The following FBRS variants were observed in gnomAD, a reference collection of about 807,000 sequenced individuals.
FBRS encodes fibrosin.
FBRS carries 15 observed loss-of-function variants against 86.1 expected under a neutral mutation model. That is an observed-to-expected ratio of 0.17 (90% CI 0.12 to 0.27). The LOEUF (loss-of-function observed/expected upper bound fraction) is 0.27, where lower values mean the gene tolerates loss of function less well. Ranked by LOEUF, FBRS falls within the 10% of genes least tolerant of loss-of-function variation. The probability of loss-of-function intolerance (pLI) is 1.00; values close to 1 mark genes in which losing one functional copy is unlikely to be tolerated. For synonymous variants in FBRS, 666 were observed against 575.8 expected (o/e 1.16, Z -2.24); for missense variants, 1,367 against 1,301.6 (o/e 1.05, Z -0.77).
chr16:30,660,491 C>T (rs1006922820), intron 2 of FBRS, 49 bp downstream of exon 2: 1 of 1,255,912 alleles, frequency 8.0e-7, no homozygotes, highest in East Asian at 3.1e-5. Flanking sequence ...TTCCCACAGC[C>T]CCGTTTTTCA....
rs1260261920 is a variant in FBRS, at chr16:30,662,796, G to A, written c.992G>A (p.Arg331Gln). 8.0e-6 allele frequency: 12 copies of A among 1,491,060 alleles called. No homozygotes were observed. In the Admixed American group the frequency reaches 9.4e-5, roughly 12 times the overall value. 92.4% of individuals were successfully genotyped at this position (1,491,060 alleles called of 1,614,324 possible). The change falls in exon 6 of 18, where the codon CGG (arginine) becomes CAG (glutamine). Residue 331 changes from arginine (R) to glutamine (Q), a missense_variant. Transcript: ENST00000356166. ...PPPPQPQLQL[R>Q]VSPFGLRTSP... Reference sequence around the variant, plus strand: ...CCACCCCAGCCCCAGCTGCAGCTTCGGGTCTCACCCTTCGGCCTCCGCACT... The same window carrying A: ...CCACCCCAGCCCCAGCTGCAGCTTCAGGTCTCACCCTTCGGCCTCCGCACT...
intron 6 of FBRS, among the ~76,000 whole-genome samples, 168 bp from the exon 7 acceptor site, chr16:30,664,047 G>A (rs781125278): frequency 9.2e-5 from 14 of 152,102 alleles, no homozygotes; most frequent in African/African-American, 3.1e-4. Context: ...TGTGGGAGGC[G>A]CCTCAGTCTG....
intron 2 of FBRS, among the ~76,000 whole-genome samples, 181 bp from the exon 3 acceptor site, chr16:30,660,999 C>T (rs1013780065): frequency 1.3e-5 from 2 of 152,108 alleles, no homozygotes; most frequent in South Asian, 4.1e-4. Flanking sequence ...GACGTGAGGA[C>T]CCGGCGTATT....
intron 6 of FBRS, 101 bp downstream of exon 6, chr16:30,662,960 C>T (rs1302510708): frequency 7.6e-7 from 1 of 1,323,846 alleles, no homozygotes; most frequent in East Asian, 3.0e-5. Flanking sequence ...AAAAAGGATT[C>T]TGAGACTGAA....
chr16:30,665,816 G>A lies in FBRS; in HGVS notation c.1773+110G>A. 5 of 1,028,930 alleles carry A rather than the reference G, an allele frequency of 4.9e-6. No individual in the cohort carries two copies. Among genetic ancestry groups the A allele is most frequent in the Non-Finnish European group, 7.2e-6 (5 of 695,708 alleles). 63.7% of individuals were successfully genotyped at this position (1,028,930 alleles called of 1,614,324 possible). On this transcript the variant is annotated intron_variant, in intron 11 of 17. Transcript: ENST00000356166. The surrounding 1 kb of genome is among the most constrained non-coding windows in gnomAD (Gnocchi z 4.1). ...ATTCCTCCCTTGAATTCACAATCGG[G>A]TGTTCCTGGGTGTCTAATAGAGAGG...
In FBRS at chr16:30,668,566, T is replaced by C. The variant is rs1241410452; in HGVS notation, c.2081T>C (p.Phe694Ser). The change falls in exon 16 of 18, where the codon TTT (phenylalanine) becomes TCT (serine). Residue 694 changes from phenylalanine (F) to serine (S), a missense_variant. By Grantham distance (155) the Phe-to-Ser change is radical. Around this residue, in one of 3 missense-constraint regions of FBRS, gnomAD observed 659 missense variants for 678.8 expected, o/e 0.97. Coordinates refer to ENST00000356166, the MANE Select transcript of FBRS (RefSeq NM_001105079.3). ...CCCCCCTTTCCTCCCACAGATCCCT[T>C]TGGGCGTCCCACAAGCTTCGCCTCT... ...FLSPSTHIDP[F>S]GRPTSFASLA... 2 of 1,611,928 alleles carry C rather than the reference T, an allele frequency of 1.2e-6. No individual in the cohort carries two copies. Among genetic ancestry groups the C allele is most frequent in the Non-Finnish European group, 1.7e-6 (2 of 1,178,812 alleles).
At position 30,659,612 on chromosome 16, in the gene FBRS, G is replaced by GAGC. The variant is rs1474200815; in HGVS notation, c.98_100dup (p.Gln33dup). ...CTGCTCGCGCCGAGACCGAGACCGG[G>GAGC]AGCAGCGGCGCCGCCGAGGTCCAGG... On this transcript the variant is annotated inframe_insertion, in exon 1 of 18. Transcript: ENST00000356166. 1 of 380,322 alleles carries GAGC rather than the reference G, an allele frequency of 2.6e-6. No homozygotes were observed. Among genetic ancestry groups the GAGC allele is most frequent in the African/African-American group, 2.1e-5 (1 of 46,948 alleles). 23.6% of individuals were successfully genotyped at this position (380,322 alleles called of 1,614,324 possible).
rs1290067141 is a variant in FBRS at position 30,659,659 on chromosome 16, G to A, written c.141G>A (p.Leu47=). 1.3e-5 allele frequency: 8 copies of A among 597,022 alleles called. No homozygotes were observed. In the South Asian group the frequency reaches 1.6e-4, roughly 12 times the overall value. The allele number at this position is 597,022 out of a possible 1,614,324, so 37.0% of individuals were successfully genotyped here. A position where few individuals can be genotyped will look rare whatever the true frequency, so the allele number is the denominator to read the frequency against. The change falls in exon 1 of 18, where the codon CTG becomes CTA. Residue 47 remains leucine (L), a synonymous_variant. Coordinates refer to ENST00000356166, the MANE Select transcript of FBRS (RefSeq NM_001105079.3). ...CAGGCGGCGACGCGCCCCGGGCCCT[G>A]TTGGCCGCCCCGCGCGGCTCCTCGT... ...RGPGGDAPRA[L]LAAPRGSSSS...
chr16:30,662,700 C>T lies in FBRS; in HGVS notation c.896C>T (p.Pro299Leu), dbSNP rs147510831. Reference protein sequence around the residue: ...LLVPFPPKEPPPPPVPRPPVS... With the variant: ...LLVPFPPKEPLPPPVPRPPVS... ...GTGCCTTTCCCCCCAAAGGAACCAC[C>T]GCCTCCACCGGTCCCTCGGCCTCCT... The change falls in exon 6 of 18, where the codon CCG (proline) becomes CTG (leucine). Residue 299 changes from proline (P) to leucine (L), a missense_variant. By Grantham distance (98) the Pro-to-Leu change is moderately conservative (BLOSUM62 -3). This residue lies in a region of FBRS where 702 missense variants were observed against 598.7 expected (regional missense o/e 1.17). Coordinates refer to ENST00000356166, the MANE Select transcript of FBRS (RefSeq NM_001105079.3). 372 of 1,548,978 alleles carry T rather than the reference C, an allele frequency of 2.4e-4. 1 individual carries two copies. The African/African-American group carries it at 4.7e-3, about 20-fold the overall frequency.
intron 4 of FBRS, among the ~76,000 whole-genome samples, chr16:30,661,550 G>A (rs529985152): frequency 3.6e-4 from 55 of 152,216 alleles, no homozygotes; most frequent in Non-Finnish European, 7.1e-4. Flanking sequence ...CCAAGGAATG[G>A]AGGGTCCATG....
Position 30,667,304 on chromosome 16 carries a change from C to T in FBRS, c.1876-16C>T. ...TGGCTCCTCATGTACTGCCCCTCTC[C>T]CTGTGTCCCACACAGGGTGACTCCC... On this transcript the variant is annotated splice_polypyrimidine_tract_variant and intron_variant, in intron 13 of 17. Coordinates refer to ENST00000356166, the MANE Select transcript of FBRS (RefSeq NM_001105079.3). The T allele has an allele frequency of 5.2e-6, 8 of 1,533,482 alleles. No homozygotes were observed. In the South Asian group the frequency reaches 8.4e-5, roughly 16 times the overall value. 95.0% of individuals were successfully genotyped at this position (1,533,482 alleles called of 1,614,324 possible).
At position 30,659,962 on chromosome 16, in the gene FBRS, C is replaced by T. The variant is rs940300043; in HGVS notation, c.444C>T (p.Thr148=). 7.7e-6 allele frequency: 12 copies of T among 1,550,138 alleles called. No individual in the cohort carries two copies. The highest frequency in any genetic ancestry group is 2.4e-5 in the East Asian group (1 of 40,838). Residue 148 remains threonine, a synonymous_variant, in exon 1 of 18, where the codon ACC becomes ACT. Transcript: ENST00000356166. ...IDGFAIASFA[T]LEALQKDASL... ...GCTTCGCCATCGCCAGCTTCGCCAC[C>T]CTCGAGGCCTTGCAGGTGGGGCCTA...
Position 30,665,102 on chromosome 16 carries a change from G to C in FBRS, c.1608+23G>C, listed in dbSNP as rs774346782. 1.1e-5 allele frequency: 18 copies of C among 1,609,814 alleles called. No homozygotes were observed. Among genetic ancestry groups the C allele is most frequent in the Non-Finnish European group, 1.5e-5 (18 of 1,178,862 alleles). On this transcript the variant is annotated intron_variant, in intron 9 of 17. Transcript: ENST00000356166. The surrounding 1 kb of genome is among the most constrained non-coding windows in gnomAD (Gnocchi z 4.1). ...AATGTGAGTGTGTGTGTGCGTGTGC[G>C]TATGGGGTGTGTGGTGTGGGCGTGG...
chr16:30,658,608 A>AG lies in FBRS; in HGVS notation c.-909dup, dbSNP rs2052413572. On this transcript the variant is annotated 5_prime_UTR_variant, in exon 1 of 18. Coordinates refer to ENST00000356166, the MANE Select transcript of FBRS (RefSeq NM_001105079.3). ...AAGTCGGACAGAGACGGAGGAAAGG[A>AG]GGAAGAGACTTTTATGTCGGCGGAC... 6.6e-6 allele frequency: 1 copy of AG among 152,354 alleles called. No individual in the cohort carries two copies. Among genetic ancestry groups the AG allele is most frequent in the South Asian group, 2.1e-4 (1 of 4,826 alleles). 9.4% of individuals were successfully genotyped at this position (152,354 alleles called of 1,614,324 possible).
chr16:30,667,200 T>C (rs2052533521), intron 13 of FBRS, 120 bp from the exon 14 acceptor site: 8 of 948,706 alleles, frequency 8.4e-6, no homozygotes, highest in Non-Finnish European at 1.1e-5. Flanking sequence ...AGGCAGAAGA[T>C]AGGCATCCAG....
rs1567543034 is a variant in FBRS at position 30,659,839 on chromosome 16, G to T, written c.321G>T (p.Glu107Asp). ...KRPAGSGSRG[E>D]EEEEEEEEGG... The stretch of plus-strand genomic sequence containing the variant: ...CTGCCGGCTCGGGCAGCCGCGGGGA[G>T]GAAGAGGAGGAGGAGGAGGAGGAGG... Residue 107 changes from glutamate to aspartate, a missense_variant, in exon 1 of 18, where the codon GAG (glutamate) becomes GAT (aspartate). By Grantham distance (45) the Glu-to-Asp change is conservative (BLOSUM62 2). Around this residue, in one of 3 missense-constraint regions of FBRS, gnomAD observed 702 missense variants for 598.7 expected, o/e 1.17. Transcript: ENST00000356166. The T allele has an allele frequency of 6.5e-7, 1 of 1,529,686 alleles. No homozygotes were observed. 94.8% of individuals were successfully genotyped at this position (1,529,686 alleles called of 1,614,324 possible). A position where few individuals can be genotyped will look rare whatever the true frequency, so the allele number is the denominator to read the frequency against.
chr16:30,669,140 G>A lies in FBRS; in HGVS notation c.2438G>A (p.Gly813Glu), dbSNP rs2052560793. Reference protein sequence around the residue: ...ATPKARAGEEGPRPTKESVRV... With the variant: ...ATPKARAGEEEPRPTKESVRV... The stretch of plus-strand genomic sequence containing the variant: ...CCCAAGGCCCGGGCTGGTGAGGAGG[G>A]GCCTCGGCCAACCAAGGAATCTGTG... The change falls in exon 18 of 18, where the codon GGG (glycine) becomes GAG (glutamate). Residue 813 changes from glycine to glutamate, a missense_variant. By Grantham distance (98) the Gly-to-Glu change is moderately conservative. Around this residue, in one of 3 missense-constraint regions of FBRS, gnomAD observed 659 missense variants for 678.8 expected, o/e 0.97. Coordinates refer to ENST00000356166, the MANE Select transcript of FBRS (RefSeq NM_001105079.3). The surrounding 1 kb of genome is among the most constrained non-coding windows in gnomAD (Gnocchi z 5.9). 6.4e-7 allele frequency: 1 copy of A among 1,573,438 alleles called. No homozygotes were observed.
In FBRS at chr16:30,669,967, C is replaced by T; in HGVS notation, c.*322C>T. On this transcript the variant is annotated 3_prime_UTR_variant, in exon 18 of 18. Coordinates refer to ENST00000356166, the MANE Select transcript of FBRS (RefSeq NM_001105079.3). This position sits in a 1 kb window ranked among gnomAD's most constrained non-coding sequence, Gnocchi z 5.9. ...AAGGGCCTCTAGGCCCTGGGCCTGC[C>T]TCCCCAAGGGCTCACTAAGCCAGAG... is the stretch of plus-strand genomic sequence containing the variant. The T allele has an allele frequency of 3.8e-6, 2 of 524,990 alleles. No individual in the cohort carries two copies. Among genetic ancestry groups the T allele is most frequent in the Non-Finnish European group, 6.9e-6 (2 of 287,800 alleles). The allele number at this position is 524,990 out of a possible 1,614,324, so 32.5% of individuals were successfully genotyped here. A position where few individuals can be genotyped will look rare whatever the true frequency, so the allele number is the denominator to read the frequency against.
rs2052503799 is a variant in FBRS at position 30,664,910 on chromosome 16, G to C, written c.1553G>C (p.Gly518Ala). ...PYPPGLLPPH[G>A]PHMFEKYPGK... ...CCCCCGGGCCTGCTGCCACCCCACG[G>C]CCCCCACATGGTGAGCTCCTCATTG... Residue 518 changes from glycine (G) to alanine (A), a missense_variant, in exon 8 of 18, where the codon GGC becomes GCC. Coordinates refer to ENST00000356166, the MANE Select transcript of FBRS (RefSeq NM_001105079.3). 6.2e-7 allele frequency: 1 copy of C among 1,610,500 alleles called. No individual in the cohort carries two copies. The highest frequency in any genetic ancestry group is 8.5e-7 in the Non-Finnish European group (1 of 1,178,294).
Sources: allele counts gnomAD v4.1 joint callset (sites outside exome capture counted in the v4.1 genomes callset), GRCh38; gene constraint gnomAD v4.1.1; regional missense constraint gnomAD v4.1.1; non-coding constraint Gnocchi (gnomAD v3.1); transcripts MANE v1.5; gene names NCBI Gene and HGNC (gene_info 2026-07-23, HGNC 2026-07-21).